Variants in RNF112 observed in about 807,000 individuals in gnomAD.
The protein encoded by RNF112 is ring finger protein 112, also known as brain finger protein.
A neutral mutation model predicts 64.7 loss-of-function variants in RNF112; 34 were observed. That is an observed-to-expected ratio of 0.53 (90% CI 0.40 to 0.70). The LOEUF is 0.70. RNF112 is among the 30% of genes least tolerant of loss of function. The probability of loss-of-function intolerance (pLI) is 0.00; values close to 1 mark genes in which losing one functional copy is unlikely to be tolerated. For synonymous variants in RNF112, 345 were observed against 344.5 expected (o/e 1.00, Z -0.02); for missense variants, 734 against 850.0 (o/e 0.86, Z 1.70).
At position 19,414,440 on chromosome 17, in the gene RNF112, C is replaced by T. The variant is rs1486515616; in HGVS notation, c.877-9C>T. On this transcript the variant is annotated splice_polypyrimidine_tract_variant and intron_variant, in intron 7 of 13. Coordinates refer to ENST00000461366, the MANE Select transcript of RNF112 (RefSeq NM_007148.5). ...CCCAGCCCTGACGCTTTCTGTGTCC[C>T]ACCCCCAGATGTTTGTCCACGTGGC... The T allele has an allele frequency of 6.2e-7, 1 of 1,613,964 alleles. No homozygotes were observed. The highest frequency in any genetic ancestry group is 1.1e-5 in the South Asian group (1 of 91,084).
rs977243218 is a variant in RNF112 at position 19,411,817 on chromosome 17, G to C, written c.95+147G>C. 47 of 842,632 alleles carry C rather than the reference G, an allele frequency of 5.6e-5. No homozygotes were observed. The African/African-American group carries it at 7.8e-4, about 14-fold the overall frequency. The allele number at this position is 842,632 out of a possible 1,614,324, so 52.2% of individuals were successfully genotyped here. On this transcript the variant is annotated intron_variant, in intron 2 of 13. Coordinates refer to ENST00000461366, the MANE Select transcript of RNF112 (RefSeq NM_007148.5). ...GGATCCGCCAGGCTGTGGAGGGAGGGACAGGAAGAAGCAGGTGGGTGCTGC... is the reference window on the plus strand; with the variant it reads ...GGATCCGCCAGGCTGTGGAGGGAGGCACAGGAAGAAGCAGGTGGGTGCTGC...
At position 19,415,466 on chromosome 17, in the gene RNF112, G is replaced by A. The variant is rs568619581; in HGVS notation, c.1351-52G>A. Reference sequence around the variant, plus strand: ...GAGTGGAGATGAGGAAACAAGCAGCGCCCCTGGCTGAGAAGGAAGGAAGGA... The same window carrying A: ...GAGTGGAGATGAGGAAACAAGCAGCACCCCTGGCTGAGAAGGAAGGAAGGA... On this transcript the variant is annotated intron_variant, in intron 12 of 13. Coordinates refer to ENST00000461366, the MANE Select transcript of RNF112 (RefSeq NM_007148.5). This position sits in a 1 kb window ranked among gnomAD's most constrained non-coding sequence, Gnocchi z 7.8. 67 of 1,575,976 alleles carry A rather than the reference G, an allele frequency of 4.3e-5. No homozygotes were observed. The East Asian group carries it at 9.2e-4, about 22-fold the overall frequency.
At position 19,415,857 on chromosome 17, in the gene RNF112, T is replaced by C. The variant is rs1913870778; in HGVS notation, c.1578T>C (p.Ala526=). The part of the protein sequence containing the change: ...GRDQTLEALE[A]ELQATAKAFM... Reference sequence around the variant, plus strand: ...ATCAGACCTTGGAGGCACTGGAAGCTGAGCTGCAGGCCACGGCCAAGGCCT... The same window carrying C: ...ATCAGACCTTGGAGGCACTGGAAGCCGAGCTGCAGGCCACGGCCAAGGCCT... Residue 526 remains alanine, a synonymous_variant, in exon 14 of 14, where the codon GCT becomes GCC. Transcript: ENST00000461366. The surrounding 1 kb of genome is among the most constrained non-coding windows in gnomAD (Gnocchi z 7.8). 1 of 1,613,688 alleles carries C rather than the reference T, an allele frequency of 6.2e-7. No homozygotes were observed. The highest frequency in any genetic ancestry group is 8.5e-7 in the Non-Finnish European group (1 of 1,179,828).
chr17:19,411,399 C>T lies in RNF112; in HGVS notation c.-10C>T. 3.1e-6 allele frequency: 5 copies of T among 1,610,950 alleles called. No individual in the cohort carries two copies. Among genetic ancestry groups the T allele is most frequent in the Non-Finnish European group, 4.2e-6 (5 of 1,179,474 alleles). ...TCTGCATCCGGACCCTCTCCCCATC[C>T]CAGCCTCCCATGCCAAGGCCCGCCT... is the stretch of plus-strand genomic sequence containing the variant. On this transcript the variant is annotated 5_prime_UTR_variant, in exon 1 of 14. Transcript: ENST00000461366.
rs1454022326 is a variant in RNF112 at position 19,416,389 on chromosome 17, C to T, written c.*214C>T. On this transcript the variant is annotated 3_prime_UTR_variant, in exon 14 of 14. Coordinates refer to ENST00000461366, the MANE Select transcript of RNF112 (RefSeq NM_007148.5). ...ATCTGGGGGCAGTGGATAGAACACC[C>T]GGCCTGTTTCTGGTTGCAGATGGTT... 7 of 525,910 alleles carry T rather than the reference C, an allele frequency of 1.3e-5. No individual in the cohort carries two copies. Among genetic ancestry groups the T allele is most frequent in the South Asian group, 2.8e-5 (1 of 35,972 alleles). The allele number at this position is 525,910 out of a possible 1,614,324, so 32.6% of individuals were successfully genotyped here.
chr17:19,413,087 G>A lies in RNF112; in HGVS notation c.531G>A (p.Glu177=). Residue 177 remains glutamate, a synonymous_variant, in exon 4 of 14, where the codon GAG becomes GAA. Transcript: ENST00000461366. The surrounding 1 kb of genome is among the most constrained non-coding windows in gnomAD (Gnocchi z 5.9). The part of the protein sequence containing the change: ...TPVCLLAVLG[E]QHSGKSFLLN... ...TCTGCCTCCTCGCTGTCCTGGGGGA[G>A]CAGCACTCAGGGAAGTCCTTCCTCC... 6.2e-7 allele frequency: 1 copy of A among 1,613,470 alleles called. No homozygotes were observed. Among genetic ancestry groups the A allele is most frequent in the South Asian group, 1.1e-5 (1 of 91,076 alleles).
Position 19,415,045 on chromosome 17 carries a change from T to A in RNF112, c.1134T>A (p.Asp378Glu). ...NQGHASPGDT[D>E]DDFRHLLGAY... ...TGCACATCTCTCCCTCAGACACAGA[T>A]GATGACTTCCGCCACCTTCTGGGGG... Residue 378 changes from aspartate (D) to glutamate (E), a missense_variant, in exon 11 of 14, where the codon GAT becomes GAA. Asp to Glu is a conservative substitution (Grantham distance 45, BLOSUM62 2). Coordinates refer to ENST00000461366, the MANE Select transcript of RNF112 (RefSeq NM_007148.5). This position sits in a 1 kb window ranked among gnomAD's most constrained non-coding sequence, Gnocchi z 7.8. 1 of 1,588,234 alleles carries A rather than the reference T, an allele frequency of 6.3e-7. No individual in the cohort carries two copies. The highest frequency in any genetic ancestry group is 8.6e-7 in the Non-Finnish European group (1 of 1,166,338).
chr17:19,414,869 G>A lies in RNF112; in HGVS notation c.1108G>A (p.Gly370Ser), dbSNP rs745679923. The A allele has an allele frequency of 8.3e-5, 134 of 1,613,540 alleles. 1 individual carries two copies. Among genetic ancestry groups the A allele is most frequent in the South Asian group, 3.6e-4 (33 of 91,088 alleles). The change falls in exon 10 of 14, where the codon GGC becomes AGC. Residue 370 changes from glycine to serine, a missense_variant. Transcript: ENST00000461366. ...CCCAGGGAGGCGGCGGATGAACCAA[G>A]GCCATGCAAGCCCTGGTGGTGAGTG... ...PAPGRRRMNQ[G>S]HASPGDTDDD... is the part of the protein sequence containing the mutation.
In RNF112 at chr17:19,413,451, G is replaced by A. The variant is rs1207962958; in HGVS notation, c.720+40G>A. 8.2e-6 allele frequency: 13 copies of A among 1,592,260 alleles called. No homozygotes were observed. Among genetic ancestry groups the A allele is most frequent in the Non-Finnish European group, 1.1e-5 (13 of 1,163,922 alleles). Reference sequence around the variant, plus strand: ...GGCAGAAGGAGGTCAGGGATGGGAAGGGGAATCAAGAAGGGCGTCTCTGGG... The same window carrying A: ...GGCAGAAGGAGGTCAGGGATGGGAAAGGGAATCAAGAAGGGCGTCTCTGGG... On this transcript the variant is annotated intron_variant, in intron 5 of 13. Coordinates refer to ENST00000461366, the MANE Select transcript of RNF112 (RefSeq NM_007148.5). This position sits in a 1 kb window ranked among gnomAD's most constrained non-coding sequence, Gnocchi z 5.9.
rs769058897 is a variant in RNF112, at chr17:19,413,581, C to T, written c.725C>T (p.Ala242Val). 5 of 1,612,306 alleles carry T rather than the reference C, an allele frequency of 3.1e-6. No individual in the cohort carries two copies. Among genetic ancestry groups the T allele is most frequent in the East Asian group, 2.2e-5 (1 of 44,824 alleles). The change falls in exon 6 of 14, where the codon GCG becomes GTG. Residue 242 changes from alanine (A) to valine (V), a missense_variant. Transcript: ENST00000461366. The surrounding 1 kb of genome is among the most constrained non-coding windows in gnomAD (Gnocchi z 5.9). ...CTTTCCCTACCCCCTGCATAGGTGG[C>T]GGTGTTCCTGGTGGACACAGGGGAT... Reference protein sequence around the residue: ...FLLGKEGKKVAVFLVDTGDAM... With the variant: ...FLLGKEGKKVVVFLVDTGDAM...
Position 19,414,019 on chromosome 17 carries a change from T to C in RNF112, c.826-76T>C, listed in dbSNP as rs1913773716. ...GCCCACAGGCTGCCTGCGAGCTCCC[T>C]ACTCACCAGGGCCTTCCCCAGTGAA... On this transcript the variant is annotated intron_variant, in intron 6 of 13. Transcript: ENST00000461366. 3 of 1,316,724 alleles carry C rather than the reference T, an allele frequency of 2.3e-6. No individual in the cohort carries two copies. In the East Asian group the frequency reaches 7.0e-5, roughly 31 times the overall value. The allele number at this position is 1,316,724 out of a possible 1,614,324, so 81.6% of individuals were successfully genotyped here.
intron 1 of RNF112, 76 bp from the exon 2 acceptor site, chr17:19,411,554 G>C: frequency 6.5e-7 from 1 of 1,537,346 alleles, no homozygotes; most frequent in Non-Finnish European, 8.8e-7. Flanking sequence ...GAGGATGAGG[G>C]GTCCCTGGAA....
In RNF112 at chr17:19,415,878, G is replaced by A; in HGVS notation, c.1599G>A (p.Lys533=). The change falls in exon 14 of 14, where the codon AAG becomes AAA. Residue 533 remains lysine (K), a synonymous_variant. Transcript: ENST00000461366. The surrounding 1 kb of genome is among the most constrained non-coding windows in gnomAD (Gnocchi z 7.8). ...ALEAELQATA[K]AFMDSYTMRF... ...AAGCTGAGCTGCAGGCCACGGCCAA[G>A]GCCTTCATGGACTCCTACACGATGC... The A allele has an allele frequency of 6.2e-7, 1 of 1,613,678 alleles. No individual in the cohort carries two copies. The highest frequency in any genetic ancestry group is 8.5e-7 in the Non-Finnish European group (1 of 1,179,840).
rs1913731786 is a variant in RNF112, at chr17:19,413,201, G to C, written c.588+57G>C. 10 of 1,596,638 alleles carry C rather than the reference G, an allele frequency of 6.3e-6. No homozygotes were observed. Among genetic ancestry groups the C allele is most frequent in the Non-Finnish European group, 8.6e-6 (10 of 1,169,448 alleles). ...GGAGCAAGGATGGGGGTTCCTGCCT[G>C]GGGGAAGCTGGGTCTGGTATTCCGG... On this transcript the variant is annotated intron_variant, in intron 4 of 13. Transcript: ENST00000461366. This position sits in a 1 kb window ranked among gnomAD's most constrained non-coding sequence, Gnocchi z 5.9.
chr17:19,416,437 T>G lies in RNF112; in HGVS notation c.*262T>G. 2 of 438,048 alleles carry G rather than the reference T, an allele frequency of 4.6e-6. No homozygotes were observed. The highest frequency in any genetic ancestry group is 8.1e-6 in the Non-Finnish European group (2 of 245,616). 27.1% of individuals were successfully genotyped at this position (438,048 alleles called of 1,614,324 possible). ...GTTGCCGATCTGCCCTTGTCACAGA[T>G]AGGCTACATCCCAGGGTTTCTGGCT... On this transcript the variant is annotated 3_prime_UTR_variant, in exon 14 of 14. Coordinates refer to ENST00000461366, the MANE Select transcript of RNF112 (RefSeq NM_007148.5).
In RNF112 at chr17:19,415,199, G is replaced by A; in HGVS notation, c.1288G>A (p.Glu430Lys). The A allele has an allele frequency of 6.2e-7, 1 of 1,605,400 alleles. No homozygotes were observed. ...ACTCACGGGGCAGCAGCTAGCTCAG[G>A]AAATCAAGGTGTGAAAACTCCCTGG... is the stretch of plus-strand genomic sequence containing the variant. ...RLLTGQQLAQEIKNLSGWMGR... is the reference protein window; with the variant it reads ...RLLTGQQLAQKIKNLSGWMGR... Residue 430 changes from glutamate (E) to lysine (K), a missense_variant, in exon 11 of 14, where the codon GAA becomes AAA. Glu to Lys is a moderately conservative substitution (Grantham distance 56). Transcript: ENST00000461366. This position sits in a 1 kb window ranked among gnomAD's most constrained non-coding sequence, Gnocchi z 7.8.
At position 19,416,715 on chromosome 17, in the gene RNF112, C is replaced by G. The variant is rs1311001934; in HGVS notation, c.*540C>G. The G allele has an allele frequency of 6.5e-6, 1 of 154,906 alleles. No individual in the cohort carries two copies. The highest frequency in any genetic ancestry group is 2.4e-5 in the African/African-American group (1 of 41,402). 9.6% of individuals were successfully genotyped at this position (154,906 alleles called of 1,614,324 possible). On this transcript the variant is annotated 3_prime_UTR_variant, in exon 14 of 14. Coordinates refer to ENST00000461366, the MANE Select transcript of RNF112 (RefSeq NM_007148.5). ...AGATGGGACATGGTAGACTGTGGCC[C>G]AGACCCCAGAGCAGAGAAACTTGTT...
Position 19,414,636 on chromosome 17 carries a change from G to A in RNF112, c.984G>A (p.Gln328=). ...RDSSHPNKAG[Q]GHVGNIFQRL... is the part of the protein sequence containing the mutation. ...CATCCCACCCCAACAAGGCAGGGCA[G>A]GGGCATGTAGGCAACATCTTCCAGG... is the stretch of plus-strand genomic sequence containing the variant. The change falls in exon 9 of 14, where the codon CAG becomes CAA. Residue 328 remains glutamine, a synonymous_variant. Coordinates refer to ENST00000461366, the MANE Select transcript of RNF112 (RefSeq NM_007148.5). 1 of 1,613,040 alleles carries A rather than the reference G, an allele frequency of 6.2e-7. No homozygotes were observed. Among genetic ancestry groups the A allele is most frequent in the Non-Finnish European group, 8.5e-7 (1 of 1,179,876 alleles).
In RNF112 at chr17:19,412,400, C is replaced by A; in HGVS notation, c.96-98C>A. ...GGAAATTGGGTTGGCACAAAGGGAC[C>A]TCCACTCCCAAGCCATCAGTCTTCC... On this transcript the variant is annotated intron_variant, in intron 2 of 13. Coordinates refer to ENST00000461366, the MANE Select transcript of RNF112 (RefSeq NM_007148.5). The surrounding 1 kb of genome is among the most constrained non-coding windows in gnomAD (Gnocchi z 5.1). 7.5e-7 allele frequency: 1 copy of A among 1,333,606 alleles called. No homozygotes were observed. Among genetic ancestry groups the A allele is most frequent in the Non-Finnish European group, 1.0e-6 (1 of 978,966 alleles). 82.6% of individuals were successfully genotyped at this position (1,333,606 alleles called of 1,614,324 possible).
Sources: gnomAD v4.1 joint callset for allele counts on GRCh38, gnomAD v4.1.1 for gene constraint, Gnocchi (gnomAD v3.1) non-coding constraint, MANE v1.5 for transcripts, NCBI Gene and HGNC (gene_info 2026-07-23, HGNC 2026-07-21) for gene names.